MYO3A: variants seen among roughly 807,000 people sequenced by gnomAD.
MYO3A encodes myosin IIIA.
A neutral mutation model predicts 192.7 loss-of-function variants in MYO3A; 180 were observed. That is an observed-to-expected ratio of 0.93 (90% CI 0.83 to 1.06). The LOEUF is 1.06. Among genes scored for constraint, MYO3A ranks in the 50% least tolerant of loss-of-function variants. MYO3A has a pLI of 0.00. For missense variants in MYO3A, 1,896 were observed against 1,905.0 expected, an observed-to-expected ratio of 1.00 and a Z score of 0.09; for synonymous variants, 628 against 645.3, an observed-to-expected ratio of 0.97 and a Z score of 0.41.
chr10:25,935,593 T>C (rs1018131091), intron 1 of MYO3A, among the ~76,000 whole-genome samples, 151 bp from the exon 2 acceptor site: 2 of 152,216 alleles, frequency 1.3e-5, no homozygotes, highest in African/African-American at 4.8e-5. Context: ...CCTTGTTCAT[T>C]GTGTAAAAGT....
chr10:25,954,485 A>G lies in MYO3A; in HGVS notation c.169-389A>G, dbSNP rs981759362. ...AAATATCCTATTTTCCAAAGAAACA[A>G]AATGAACCAGATTTCCAGTCCTAAA... On this transcript the variant is annotated intron_variant, in intron 3 of 34. Coordinates refer to ENST00000642920, the MANE Select transcript of MYO3A (RefSeq NM_017433.5). 1.4e-4 allele frequency among the ~76,000 whole-genome samples: 21 copies of G among 152,242 alleles called. 2 individuals are homozygous for G. In the South Asian group the frequency reaches 4.1e-3, roughly 30 times the overall value.
chr10:26,153,160 A>G (rs1258227822), intron 23 of MYO3A, among the ~76,000 whole-genome samples: 2 of 152,248 alleles, frequency 1.3e-5, no homozygotes, highest in Non-Finnish European at 2.9e-5. Flanking sequence ...GGGGCCTTCC[A>G]TGTGCCAGAC....
intron 27 of MYO3A, 88 bp downstream of exon 27, chr10:26,166,266 GT>G (rs1188041591): frequency 2.1e-5 from 23 of 1,118,420 alleles, no homozygotes; most frequent in Admixed American, 3.5e-5. Context: ...TGAAAGTATG[GT>G]TTTTTTATGT....
At chr10:26,023,499 T>G (rs1842408674) in intron 8 of MYO3A, 1 of 154,584 alleles carries the variant, frequency 6.5e-6, no homozygotes, top group Non-Finnish European at 1.4e-5. Flanking sequence ...GCTTTATCGC[T>G]AATAGTATTT....
chr10:25,987,553 G>C (rs956999031), intron 4 of MYO3A, among the ~76,000 whole-genome samples: 2 of 151,900 alleles, frequency 1.3e-5, no homozygotes, highest in Admixed American at 1.3e-4. Context: ...AAAGACATGA[G>C]TAAACAATTC....
intron 31 of MYO3A, among the ~76,000 whole-genome samples, chr10:26,177,809 A>G (rs1302286169): frequency 6.6e-6 from 1 of 152,214 alleles, no homozygotes; most frequent in African/African-American, 2.4e-5. Context: ...TGCAACTTCT[A>G]ATTTCTTCCC....
chr10:26,180,621 G>A (rs1842578927), intron 31 of MYO3A, among the ~76,000 whole-genome samples: 1 of 151,760 alleles, frequency 6.6e-6, no homozygotes, highest in Non-Finnish European at 1.5e-5. Flanking sequence ...TTGATGCTAG[G>A]AATAGAATTC....
chr10:26,196,857 C>T (rs542788816), intron 32 of MYO3A, among the ~76,000 whole-genome samples: 9 of 152,012 alleles, frequency 5.9e-5, no homozygotes, highest in East Asian at 3.9e-4. Flanking sequence ...TGTGATATTT[C>T]GATACAAGCA....
rs750600802 is a variant in MYO3A, at chr10:26,143,445, T to C, written c.2263-3T>C. On this transcript the variant is annotated splice_region_variant and splice_polypyrimidine_tract_variant and intron_variant, in intron 20 of 34. Transcript: ENST00000642920. ...GTTTTAAGTGGTTTTGTCTTTATTA[T>C]AGAATGAATACCTAAATGAAGATGT... is the stretch of plus-strand genomic sequence containing the variant. 18 of 1,608,662 alleles carry C rather than the reference T, an allele frequency of 1.1e-5. No homozygotes were observed. Among genetic ancestry groups the C allele is most frequent in the Non-Finnish European group, 1.4e-5 (16 of 1,175,318 alleles).
chr10:25,980,966 A>G (rs1359779519), intron 4 of MYO3A, among the ~76,000 whole-genome samples: 1 of 152,128 alleles, frequency 6.6e-6, no homozygotes, highest in Non-Finnish European at 1.5e-5. Flanking sequence ...GAGTAGATTC[A>G]CTGCCCTAAA....
intron 14 of MYO3A, among the ~76,000 whole-genome samples, chr10:26,081,715 C>T (rs973371996): frequency 4.6e-5 from 7 of 152,210 alleles, no homozygotes; most frequent in Non-Finnish European, 7.3e-5. Flanking sequence ...CTAGGGGACC[C>T]AGGAAGCTCC....
chr10:26,170,683 C>G, intron 29 of MYO3A, 144 bp downstream of exon 29: 1 of 844,614 alleles, frequency 1.2e-6, no homozygotes, highest in East Asian at 2.7e-5. Context: ...CCAGAGGCTA[C>G]TTTTGTGTTC....
At chr10:26,063,655 G>A (rs1452072788) in intron 10 of MYO3A, among the ~76,000 whole-genome samples, 1 of 152,160 alleles carries the variant, frequency 6.6e-6, no homozygotes, top group East Asian at 1.9e-4. Flanking sequence ...TATCCTAAAG[G>A]ATGTGTAGAA....
chr10:26,011,681 A>T (rs145712577), intron 6 of MYO3A, among the ~76,000 whole-genome samples: 1 of 152,196 alleles, frequency 6.6e-6, no homozygotes, highest in Non-Finnish European at 1.5e-5. Flanking sequence ...TCTATCAGAC[A>T]TTCAAAGAAG....
intron 20 of MYO3A, among the ~76,000 whole-genome samples, chr10:26,134,809 A>G (rs1002410026): frequency 1.3e-5 from 2 of 152,190 alleles, no homozygotes; most frequent in African/African-American, 4.8e-5. Flanking sequence ...GTCAATGGTT[A>G]GAATAAGCAA....
intron 6 of MYO3A, among the ~76,000 whole-genome samples, chr10:26,001,620 A>G (rs995671101): frequency 3.3e-5 from 5 of 152,132 alleles, no homozygotes; most frequent in Admixed American, 3.3e-4. Flanking sequence ...ACAAAAGCAT[A>G]TGGCCCCTTA....
chr10:26,182,579 A>G (rs2132087655), intron 31 of MYO3A, among the ~76,000 whole-genome samples: 1 of 152,364 alleles, frequency 6.6e-6, no homozygotes, highest in Admixed American at 6.5e-5. Flanking sequence ...GACTATGAAC[A>G]GTCAATAAAT....
intron 10 of MYO3A, among the ~76,000 whole-genome samples, chr10:26,056,553 G>C (rs887993874): frequency 6.6e-6 from 1 of 152,184 alleles, no homozygotes; most frequent in Non-Finnish European, 1.5e-5. Flanking sequence ...TAATGGCAGG[G>C]CATATGTCCC....
Position 26,070,325 on chromosome 10 carries a change from T to A in MYO3A, c.1283T>A (p.Val428Asp), listed in dbSNP as rs34928968. The A allele has an allele frequency of 2.5e-6, 4 of 1,613,228 alleles. No individual in the cohort carries two copies. The highest frequency in any genetic ancestry group is 3.4e-6 in the Non-Finnish European group (4 of 1,179,410). ...TTTCTTTTCTATGTATAGTGCATTG[T>A]TATTTCTGGAGAAAGTGGTGCTGGA... ...MITYNSDQCI[V>D]ISGESGAGKT... The change falls in exon 14 of 35, where the codon GTT (valine) becomes GAT (aspartate). Residue 428 changes from valine to aspartate, a missense_variant. Transcript: ENST00000642920.
Sources: gnomAD v4.1 joint callset for allele counts (sites outside exome capture counted in the v4.1 genomes callset) on GRCh38, gnomAD v4.1.1 for gene constraint, MANE v1.5 for transcripts, NCBI Gene and HGNC (gene_info 2026-07-23, HGNC 2026-07-21) for gene names.